Variants in MSH4 observed in about 807,000 individuals in gnomAD.
MSH4 encodes the protein mutS protein homolog 4.
In MSH4, 106 loss-of-function variants were observed where a neutral mutation model predicts 113.7. The ratio of observed to expected loss-of-function variants is 0.93; its 90% CI spans 0.80 to 1.10. MSH4 has a LOEUF of 1.10. Among genes scored for constraint, MSH4 ranks in the 50% least tolerant of loss-of-function variants. The probability of loss-of-function intolerance (pLI) is 0.00; values close to 1 mark genes in which losing one functional copy is unlikely to be tolerated. For missense variants in MSH4, 1,061 were observed against 1,093.7 expected (o/e 0.97, Z 0.42); for synonymous variants, 368 against 380.2 (o/e 0.97, Z 0.37).
At position 75,816,526 on chromosome 1, in the gene MSH4, A is replaced by G; in HGVS notation, c.969A>G (p.Leu323=). The G allele has an allele frequency of 2.5e-6, 4 of 1,581,148 alleles. No homozygotes were observed. The highest frequency in any genetic ancestry group is 3.4e-6 in the Non-Finnish European group (4 of 1,160,370). The change falls in exon 6 of 20, where the codon TTA becomes TTG. Residue 323 remains leucine (L), a synonymous_variant. Coordinates refer to ENST00000263187, the MANE Select transcript of MSH4 (RefSeq NM_002440.4). ...CATCAGCCCAAAACCTTGAATTGTTAATTAATAATCAAGACTATAGGTAAG... is the reference window on the plus strand; with the variant it reads ...CATCAGCCCAAAACCTTGAATTGTTGATTAATAATCAAGACTATAGGTAAG... ...DSSSAQNLEL[L]INNQDYRNNH...
intron 8 of MSH4, among the ~76,000 whole-genome samples, chr1:75,855,164 A>G (rs902406064): frequency 6.6e-6 from 1 of 152,018 alleles, no homozygotes; most frequent in Non-Finnish European, 1.5e-5. Flanking sequence ...CAGCCGCCTG[A>G]GTAGCCAAGA....
intron 9 of MSH4, among the ~76,000 whole-genome samples, chr1:75,871,943 T>C (rs1204257813): frequency 6.6e-6 from 1 of 152,214 alleles, no homozygotes; most frequent in Non-Finnish European, 1.5e-5. Flanking sequence ...TATGATATAG[T>C]ATCAGTTGAG....
At chr1:75,834,121 A>T (rs1258213738) in intron 7 of MSH4, among the ~76,000 whole-genome samples, 2 of 152,246 alleles carry the variant, frequency 1.3e-5, no homozygotes, top group Non-Finnish European at 2.9e-5. Flanking sequence ...TGGGCAAAGG[A>T]TATGAACAGA....
At chr1:75,886,575 T>C (rs1350053076) in intron 15 of MSH4, among the ~76,000 whole-genome samples, 5 of 111,858 alleles carry the variant, frequency 4.5e-5, no homozygotes, top group Admixed American at 1.0e-4. Context: ...TGCAAGTTAT[T>C]ATGTATAATA....
intron 7 of MSH4, among the ~76,000 whole-genome samples, chr1:75,834,727 C>T (rs1366768163): frequency 6.6e-6 from 1 of 152,054 alleles, no homozygotes; most frequent in African/African-American, 2.4e-5. Context: ...GGGAAGTGAA[C>T]AATGAGAACA....
chr1:75,797,365 A>G, intron 1 of MSH4, 136 bp downstream of exon 1: 1 of 1,230,628 alleles, frequency 8.1e-7, no homozygotes, highest in Non-Finnish European at 1.1e-6. Flanking sequence ...TGCCCTGGGA[A>G]TTTGGTGAGT....
At chr1:75,894,778 C>G (rs923265695) in intron 17 of MSH4, among the ~76,000 whole-genome samples, 2 of 152,190 alleles carry the variant, frequency 1.3e-5, no homozygotes, top group African/African-American at 4.8e-5. Flanking sequence ...TACCAACCAT[C>G]TTGAAGTAGT....
At chr1:75,897,531 TA>T (rs1249111191) in intron 17 of MSH4, among the ~76,000 whole-genome samples, 2 of 152,144 alleles carry the variant, frequency 1.3e-5, no homozygotes, top group Non-Finnish European at 2.9e-5. Flanking sequence ...AGGAAAATAT[TA>T]TTTTTTTTGC....
At chr1:75,846,191 A>T (rs559781012) in intron 7 of MSH4, among the ~76,000 whole-genome samples, 1 of 152,236 alleles carries the variant, frequency 6.6e-6, no homozygotes, top group African/African-American at 2.4e-5. Context: ...TAGATCTCTG[A>T]AATGTTTTTG....
intron 8 of MSH4, among the ~76,000 whole-genome samples, chr1:75,851,864 G>A (rs12409592): frequency 0.21 from 31,737 of 152,086 alleles, 4,596 homozygotes; most frequent in East Asian, 0.68. Context: ...AAATAAGACA[G>A]CTTTATTGAG....
chr1:75,878,352 G>A (rs575828917), intron 11 of MSH4, 34 bp downstream of exon 11: 1 of 1,503,914 alleles, frequency 6.6e-7, no homozygotes, highest in Non-Finnish European at 8.9e-7. Flanking sequence ...TTTTTGTAGG[G>A]ATAAAACAGC....
At chr1:75,817,873 A>G (rs1650325577) in intron 6 of MSH4, among the ~76,000 whole-genome samples, 1 of 151,858 alleles carries the variant, frequency 6.6e-6, no homozygotes, top group Non-Finnish European at 1.5e-5. Flanking sequence ...CCTACAAATT[A>G]GTTTAAATGG....
chr1:75,799,790 T>A (rs986137180), intron 1 of MSH4, among the ~76,000 whole-genome samples: 2 of 152,156 alleles, frequency 1.3e-5, no homozygotes, highest in African/African-American at 4.8e-5. Flanking sequence ...TTTTGGTGAC[T>A]GGATAGATGG....
At chr1:75,885,343 A>G (rs200150489) in intron 15 of MSH4, among the ~76,000 whole-genome samples, 20,836 of 107,804 alleles carry the variant, frequency 0.19, 2,121 homozygotes, top group African/African-American at 0.27. Flanking sequence ...GTGTGTGTGT[A>G]TATATATATA....
intron 7 of MSH4, among the ~76,000 whole-genome samples, chr1:75,828,928 G>A (rs1417202314): frequency 6.6e-6 from 1 of 152,158 alleles, no homozygotes; most frequent in Non-Finnish European, 1.5e-5. Context: ...CTGAGGTGCT[G>A]GGTTCATCTC....
chr1:75,905,883 GT>G (rs1215919345), intron 19 of MSH4, among the ~76,000 whole-genome samples: 2 of 151,712 alleles, frequency 1.3e-5, no homozygotes, highest in Non-Finnish European at 2.9e-5. Context: ...CTCTTTTTTG[GT>G]TTTTATTTAT....
chr1:75,882,161 A>G (rs924738453), intron 14 of MSH4, among the ~76,000 whole-genome samples: 1 of 152,032 alleles, frequency 6.6e-6, no homozygotes, highest in Non-Finnish European at 1.5e-5. Context: ...TCAAACTTTT[A>G]TATCTCCTTT....
chr1:75,867,170 C>G (rs1425071553), intron 8 of MSH4, among the ~76,000 whole-genome samples: 1 of 152,142 alleles, frequency 6.6e-6, no homozygotes, highest in African/African-American at 2.4e-5. Flanking sequence ...TACAAATACT[C>G]TTTGTGCCTT....
rs1025069222 is a variant in MSH4, at chr1:75,883,144, A to G, written c.1907-477A>G. On this transcript the variant is annotated intron_variant, in intron 14 of 19. Coordinates refer to ENST00000263187, the MANE Select transcript of MSH4 (RefSeq NM_002440.4). ...CTCAACCCCACAAGTAGCTGGGACT[A>G]CAGGCATGAGCCATTACACCTGGCT... Among the ~76,000 whole-genome samples the G allele has an allele frequency of 4.3e-4, 65 of 151,220 alleles. 1 individual carries two copies.
Sources: gnomAD v4.1 joint callset for allele counts (sites outside exome capture counted in the v4.1 genomes callset) on GRCh38, gnomAD v4.1.1 for gene constraint, MANE v1.5 for transcripts, NCBI Gene and HGNC (gene_info 2026-07-23, HGNC 2026-07-21) for gene names.